The following CACNA2D1 variants were observed in gnomAD, a reference collection of about 807,000 sequenced individuals.
CACNA2D1 encodes voltage-dependent calcium channel subunit alpha-2/delta-1.
CACNA2D1 carries 53 observed loss-of-function variants against 171.5 expected under a neutral mutation model. That is an observed-to-expected ratio of 0.31 (90% CI 0.25 to 0.39). The LOEUF is 0.39. Ranked by LOEUF, CACNA2D1 falls within the 10% of genes least tolerant of loss-of-function variation. The pLI is 1.00. For synonymous variants in CACNA2D1, 442 were observed against 443.1 expected (o/e 1.00, Z 0.03); for missense variants, 903 against 1,299.8 (o/e 0.69, Z 4.69).
At position 81,967,074 on chromosome 7, in the gene CACNA2D1, A is replaced by C. The variant is rs114749237; in HGVS notation, c.2502+95T>G. On this transcript the variant is annotated intron_variant, in intron 31 of 38. Transcript: ENST00000356860. ...CCATAGAATTTTTTAGCCTTTGATT[A>C]AAAAATTCCTGCATATTTTTTCATC... 3.1e-3 allele frequency: 2,621 copies of C among 847,400 alleles called. 47 individuals are homozygous for C. In the African/African-American group the frequency reaches 0.036, roughly 12 times the overall value. The allele number at this position is 847,400 out of a possible 1,614,324, so 52.5% of individuals were successfully genotyped here.
At chr7:82,223,407 T>C (rs1802003763) in intron 3 of CACNA2D1, among the ~76,000 whole-genome samples, 2 of 152,134 alleles carry the variant, frequency 1.3e-5, no homozygotes, top group Admixed American at 1.3e-4. Flanking sequence ...AAACATACTA[T>C]ATATTATTTT....
At chr7:82,309,494 C>T (rs1814153877) in intron 3 of CACNA2D1, among the ~76,000 whole-genome samples, 1 of 131,740 alleles carries the variant, frequency 7.6e-6, no homozygotes, top group Non-Finnish European at 1.6e-5. Context: ...TACTGGTTAG[C>T]CAGGTAATTT....
chr7:82,385,821 T>C (rs1010646533), intron 1 of CACNA2D1, among the ~76,000 whole-genome samples: 2 of 152,014 alleles, frequency 1.3e-5, no homozygotes, highest in Non-Finnish European at 2.9e-5. Flanking sequence ...CCTGCCACCA[T>C]GCCCAACTAA....
intron 3 of CACNA2D1, among the ~76,000 whole-genome samples, chr7:82,224,711 A>C (rs1802168869): frequency 6.6e-6 from 1 of 152,208 alleles, no homozygotes; most frequent in Non-Finnish European, 1.5e-5. Flanking sequence ...CCTGTTCATC[A>C]ATCATGTAGT....
chr7:81,947,389 A>T lies in CACNA2D1; in HGVS notation c.*3003T>A, dbSNP rs1465372540. 6.6e-6 allele frequency: 1 copy of T among 151,838 alleles called. No homozygotes were observed. The highest frequency in any genetic ancestry group is 1.9e-4 in the East Asian group (1 of 5,174). The allele number at this position is 151,838 out of a possible 1,614,324, so 9.4% of individuals were successfully genotyped here. A position where few individuals can be genotyped will look rare whatever the true frequency, so the allele number is the denominator to read the frequency against. ...AGCATTAGAAACATGAAAAAAGATCATACTAAAATCTTATAGGCCCAGGAC... is the reference window on the plus strand; with the variant it reads ...AGCATTAGAAACATGAAAAAAGATCTTACTAAAATCTTATAGGCCCAGGAC... On this transcript the variant is annotated 3_prime_UTR_variant, in exon 39 of 39. Coordinates refer to ENST00000356860, the MANE Select transcript of CACNA2D1 (RefSeq NM_000722.4).
At chr7:81,992,035 G>A (rs2130749618) in intron 20 of CACNA2D1, among the ~76,000 whole-genome samples, 1 of 151,070 alleles carries the variant, frequency 6.6e-6, no homozygotes, top group Admixed American at 6.6e-5. Flanking sequence ...AGTAGAGACG[G>A]GGTTTCACTG....
In CACNA2D1 at chr7:82,320,398, CAAT is replaced by C. The variant is rs930146970; in HGVS notation, c.294+14734_294+14736del. Among the ~76,000 whole-genome samples, 14 of 151,910 alleles carry C rather than the reference CAAT, an allele frequency of 9.2e-5. 1 individual carries two copies. The highest frequency in any genetic ancestry group is 6.6e-5 in the Admixed American group (1 of 15,224). On this transcript the variant is annotated intron_variant, in intron 3 of 38. Transcript: ENST00000356860. ...TCTATTTTGTTAAAAGGAAAACAAA[CAAT>C]AAATAATGCACCATCTGTGGTTTTG...
At chr7:82,211,602 T>C (rs1800562326) in intron 3 of CACNA2D1, among the ~76,000 whole-genome samples, 1 of 151,692 alleles carries the variant, frequency 6.6e-6, no homozygotes, top group Non-Finnish European at 1.5e-5. Flanking sequence ...CTCTTTCTAA[T>C]CTACTGTTGA....
chr7:81,965,650 T>G lies in CACNA2D1; in HGVS notation c.2518A>C (p.Ile840Leu). 1 of 1,593,132 alleles carries G rather than the reference T, an allele frequency of 6.3e-7. No homozygotes were observed. Among genetic ancestry groups the G allele is most frequent in the East Asian group, 2.2e-5 (1 of 44,630 alleles). ...AGAAGAAACCCACCATCATCCAGAA[T>G]CACACAATCCATTACCTATCAAAAT... is the stretch of plus-strand genomic sequence containing the variant. ...KRNSDVMDCVILDDGGFLLMA... is the reference protein window; with the variant it reads ...KRNSDVMDCVLLDDGGFLLMA... The change falls in exon 32 of 39, where the codon ATT (isoleucine) becomes CTT (leucine). Residue 840 changes from isoleucine (I) to leucine (L), a missense_variant. Coordinates refer to ENST00000356860, the MANE Select transcript of CACNA2D1 (RefSeq NM_000722.4).
chr7:82,014,809 T>C (rs1342294248), intron 12 of CACNA2D1, among the ~76,000 whole-genome samples: 1 of 152,118 alleles, frequency 6.6e-6, no homozygotes, highest in East Asian at 1.9e-4. Flanking sequence ...ATCCCAGCAC[T>C]TCGGGAGGCC....
chr7:82,423,390 C>A (rs1456621831), intron 1 of CACNA2D1, among the ~76,000 whole-genome samples: 1 of 152,114 alleles, frequency 6.6e-6, no homozygotes, highest in African/African-American at 2.4e-5. Flanking sequence ...GAATAGCTAC[C>A]TTCAGATTAG....
rs757000271 is a variant in CACNA2D1, at chr7:82,032,917, C to T, written c.1039-16G>A. The T allele has an allele frequency of 9.1e-6, 12 of 1,321,866 alleles. 1 individual carries two copies. In the South Asian group the frequency reaches 1.3e-4, roughly 14 times the overall value. The allele number at this position is 1,321,866 out of a possible 1,614,324, so 81.9% of individuals were successfully genotyped here. A position where few individuals can be genotyped will look rare whatever the true frequency, so the allele number is the denominator to read the frequency against. ...AAACATTATACTGTTAAAAACAAAA[C>T]CAAACAAAACAATATGCGTATTATT... On this transcript the variant is annotated splice_polypyrimidine_tract_variant and intron_variant, in intron 11 of 38. Transcript: ENST00000356860.
chr7:82,165,626 T>C lies in CACNA2D1; in HGVS notation c.354+4924A>G, dbSNP rs186180315. ...GAACAACAACAGTAAGGCACACAAATACGCCTGACTCCTTTACATTACATT... is the reference window on the plus strand; with the variant it reads ...GAACAACAACAGTAAGGCACACAAACACGCCTGACTCCTTTACATTACATT... On this transcript the variant is annotated intron_variant, in intron 4 of 38. Transcript: ENST00000356860. Among the ~76,000 whole-genome samples, 299 of 152,152 alleles carry C rather than the reference T, an allele frequency of 2.0e-3. 1 individual carries two copies. Among genetic ancestry groups the C allele is most frequent in the African/African-American group, 6.8e-3 (283 of 41,548 alleles).
At position 82,381,504 on chromosome 7, in the gene CACNA2D1, C is replaced by T. The variant is rs142119351; in HGVS notation, c.96-31855G>A. On this transcript the variant is annotated intron_variant, in intron 1 of 38. Transcript: ENST00000356860. The stretch of plus-strand genomic sequence containing the variant: ...TGTCTAATTATATACAGAACAAAGC[C>T]ATGTTCTTGGACCACAATGTCTCAA... 2.0e-5 allele frequency among the ~76,000 whole-genome samples: 3 copies of T among 152,130 alleles called. No homozygotes were observed. The East Asian group carries it at 5.8e-4, about 29-fold the overall frequency.
chr7:81,973,583 G>A (rs962514419), intron 25 of CACNA2D1, among the ~76,000 whole-genome samples: 2 of 151,954 alleles, frequency 1.3e-5, no homozygotes, highest in Non-Finnish European at 2.9e-5. Context: ...GGAAAAGGAG[G>A]GAGGGAGGGA....
At chr7:82,108,199 C>A (rs1022230520) in intron 6 of CACNA2D1, among the ~76,000 whole-genome samples, 1 of 152,136 alleles carries the variant, frequency 6.6e-6, no homozygotes, top group Non-Finnish European at 1.5e-5. Flanking sequence ...GTAAATGTTA[C>A]ATAGTCACAT....
intron 38 of CACNA2D1, among the ~76,000 whole-genome samples, chr7:81,955,990 T>A (rs1441068095): frequency 1.6e-5 from 2 of 123,936 alleles, no homozygotes; most frequent in Non-Finnish European, 3.6e-5. Flanking sequence ...ATTTTTTTTT[T>A]TTTTTTTTTT....
chr7:82,401,472 C>T (rs1033443090), intron 1 of CACNA2D1, among the ~76,000 whole-genome samples: 79 of 148,804 alleles, frequency 5.3e-4, no homozygotes, highest in African/African-American at 1.7e-3. Flanking sequence ...AACCAAACAC[C>T]GCATATTCTC....
Position 82,005,498 on chromosome 7 carries a change from C to G in CACNA2D1, c.1516-1G>C. 1 of 1,551,740 alleles carries G rather than the reference C, an allele frequency of 6.4e-7. No homozygotes were observed. Among genetic ancestry groups the G allele is most frequent in the Non-Finnish European group, 8.8e-7 (1 of 1,141,504 alleles). On this transcript the variant is annotated splice_acceptor_variant, in intron 17 of 38. Coordinates refer to ENST00000356860, the MANE Select transcript of CACNA2D1 (RefSeq NM_000722.4). LOFTEE classifies it high-confidence loss of function. Reference sequence around the variant, plus strand: ...CAAAGTAATACCCATTGGGGCACAGCTGGAAAAGAAAAAAAAAAAAAAGCT... The same window carrying G: ...CAAAGTAATACCCATTGGGGCACAGGTGGAAAAGAAAAAAAAAAAAAAGCT...
Sources: allele counts gnomAD v4.1 joint callset (sites outside exome capture counted in the v4.1 genomes callset), GRCh38; gene constraint gnomAD v4.1.1; transcripts MANE v1.5; gene names NCBI Gene and HGNC (gene_info 2026-07-23, HGNC 2026-07-21).